Variants in SOAT1 observed in about 807,000 individuals in gnomAD.
The protein encoded by SOAT1 is sterol O-acyltransferase 1, also known as acyl-coenzyme A:cholesterol acyltransferase 1.
Under a neutral mutation model 69.5 loss-of-function variants are expected in SOAT1, and 55 were observed. That is an observed-to-expected ratio of 0.79 (90% CI 0.64 to 0.99). SOAT1 has a LOEUF of 0.99. Ranked by LOEUF, SOAT1 falls within the 50% of genes least tolerant of loss-of-function variation. The probability of loss-of-function intolerance (pLI) is 0.00; values close to 1 mark genes in which losing one functional copy is unlikely to be tolerated. For synonymous variants in SOAT1, 231 were observed against 224.7 expected (o/e 1.03, Z -0.25); for missense variants, 580 against 669.3 (o/e 0.87, Z 1.47).
Position 179,335,595 on chromosome 1 carries a change from T to C in SOAT1, c.267T>C (p.Asn89=), listed in dbSNP as rs766090549. Residue 89 remains asparagine, a synonymous_variant, in exon 4 of 16, where the codon AAT becomes AAC. Coordinates refer to ENST00000367619, the MANE Select transcript of SOAT1 (RefSeq NM_003101.6). ...TTGAAAAGTCAGCATCATTAGATAA[T>C]GGTGGGTGCGCTCTCACAACCTTTT... The part of the protein sequence containing the change: ...NLIEKSASLD[N]GGCALTTFSV... The C allele has an allele frequency of 1.9e-6, 3 of 1,614,024 alleles. No homozygotes were observed. The highest frequency in any genetic ancestry group is 3.3e-5 in the Admixed American group (2 of 60,020).
rs569629731 is a variant in SOAT1 at position 179,335,433 on chromosome 1, C to G, written c.178-73C>G. The G allele has an allele frequency of 4.6e-6, 6 of 1,302,862 alleles. No homozygotes were observed. The African/African-American group carries it at 8.9e-5, about 19-fold the overall frequency. The allele number at this position is 1,302,862 out of a possible 1,614,324, so 80.7% of individuals were successfully genotyped here. A position where few individuals can be genotyped will look rare whatever the true frequency, so the allele number is the denominator to read the frequency against. ...TTTGATCCAGCTCTGTTTAAGGGAG[C>G]CCTTTAGAGAAATGCTAATGACTCA... On this transcript the variant is annotated intron_variant, in intron 3 of 15. Transcript: ENST00000367619.
Position 179,350,442 on chromosome 1 carries a change from T to C in SOAT1, c.1450+11T>C. 2 of 1,612,892 alleles carry C rather than the reference T, an allele frequency of 1.2e-6. No individual in the cohort carries two copies. The highest frequency in any genetic ancestry group is 8.5e-7 in the Non-Finnish European group (1 of 1,179,648). The stretch of plus-strand genomic sequence containing the variant: ...TCATGTTCTTTGGAAGTAAGTATCT[T>C]GGTATGCTGTGAGTACTGGGTACTA... On this transcript the variant is annotated intron_variant, in intron 14 of 15. Transcript: ENST00000367619.
At chr1:179,317,127 A>G (rs1665421679) in intron 2 of SOAT1, among the ~76,000 whole-genome samples, 1 of 152,204 alleles carries the variant, frequency 6.6e-6, no homozygotes, top group African/African-American at 2.4e-5. Flanking sequence ...TGGCAAAGTA[A>G]ATATTTCTGT....
chr1:179,310,191 C>T (rs541034341), intron 2 of SOAT1, among the ~76,000 whole-genome samples: 3 of 144,826 alleles, frequency 2.1e-5, no homozygotes, highest in Non-Finnish European at 3.0e-5. Flanking sequence ...TGAGCCACCA[C>T]GCCTGGCTGC....
chr1:179,306,126 G>T (rs1296435908), intron 2 of SOAT1, among the ~76,000 whole-genome samples: 6 of 152,174 alleles, frequency 3.9e-5, no homozygotes, highest in Non-Finnish European at 8.8e-5. Flanking sequence ...TAGAGAGGGT[G>T]ACGGGTAGGT....
chr1:179,342,826 AG>A, intron 8 of SOAT1, 35 bp from the exon 9 acceptor site: 1 of 1,502,356 alleles, frequency 6.7e-7, no homozygotes, highest in Non-Finnish European at 9.3e-7. Flanking sequence ...GAAAAATCAA[AG>A]AGCCTTTGCT....
intron 11 of SOAT1, among the ~76,000 whole-genome samples, chr1:179,347,262 G>A (rs1666564482): frequency 6.6e-6 from 1 of 150,776 alleles, no homozygotes; most frequent in South Asian, 2.1e-4. Flanking sequence ...GGAGGCTGAG[G>A]CAGGAGAATT....
At position 179,354,977 on chromosome 1, in the gene SOAT1, T is replaced by A. The variant is rs1302320705; in HGVS notation, c.*1336T>A. The A allele has an allele frequency of 6.6e-6, 1 of 152,208 alleles. No individual in the cohort carries two copies. Among genetic ancestry groups the A allele is most frequent in the Non-Finnish European group, 1.5e-5 (1 of 68,030 alleles). 9.4% of individuals were successfully genotyped at this position (152,208 alleles called of 1,614,324 possible). A position where few individuals can be genotyped will look rare whatever the true frequency, so the allele number is the denominator to read the frequency against. ...CTCTTGGTATTGTTTGGAATTGTTT[T>A]AAAGTCAGTTTGAGTCTCACAAGAA... On this transcript the variant is annotated 3_prime_UTR_variant, in exon 16 of 16. Transcript: ENST00000367619.
chr1:179,341,965 CTA>C (rs1666353625), intron 7 of SOAT1, 147 bp from the exon 8 acceptor site: 2 of 903,106 alleles, frequency 2.2e-6, no homozygotes, highest in East Asian at 6.3e-5. Flanking sequence ...TGTCATGTAA[CTA>C]TATAATAAAG....
rs79870021 is a variant in SOAT1 at position 179,327,381 on chromosome 1, A to G, written c.177+3886A>G. 6.9e-3 allele frequency among the ~76,000 whole-genome samples: 1,052 copies of G among 152,224 alleles called. 18 individuals are homozygous for G. Among genetic ancestry groups the G allele is most frequent in the African/African-American group, 0.024 (1,006 of 41,554 alleles). On this transcript the variant is annotated intron_variant, in intron 3 of 15. Transcript: ENST00000367619. ...TTGATCTTTAAAGTGAGAGCATTGC[A>G]CTAGTTGTCTCCAAGGTCCCTTTTA...
chr1:179,337,152 C>T (rs552931715), intron 4 of SOAT1, among the ~76,000 whole-genome samples: 1 of 152,310 alleles, frequency 6.6e-6, no homozygotes, highest in South Asian at 2.1e-4. Context: ...CTTGCCATTC[C>T]ATGCTCTTCT....
At chr1:179,339,624 A>T in intron 6 of SOAT1, 79 bp downstream of exon 6, 5 of 783,532 alleles carry the variant, frequency 6.4e-6, no homozygotes, top group Non-Finnish European at 8.1e-6. Context: ...TAAAGGGTAA[A>T]TTGATTAAAT....
intron 11 of SOAT1, among the ~76,000 whole-genome samples, chr1:179,347,021 C>A (rs953375653): frequency 1.3e-5 from 2 of 152,064 alleles, no homozygotes; most frequent in Non-Finnish European, 1.5e-5. Flanking sequence ...TTTTAAAGGA[C>A]CTTGGGTACT....
Position 179,357,205 on chromosome 1 carries a change from TTTTG to T in SOAT1, c.*3580_*3583del, listed in dbSNP as rs990535268. 2.8e-4 allele frequency: 44 copies of T among 159,974 alleles called. No individual in the cohort carries two copies. The highest frequency in any genetic ancestry group is 7.8e-4 in the Admixed American group (12 of 15,454). The allele number at this position is 159,974 out of a possible 1,614,324, so 9.9% of individuals were successfully genotyped here. A position where few individuals can be genotyped will look rare whatever the true frequency, so the allele number is the denominator to read the frequency against. On this transcript the variant is annotated 3_prime_UTR_variant, in exon 16 of 16. Transcript: ENST00000367619. The stretch of plus-strand genomic sequence containing the variant: ...AATGTTTCAAGGAATAAAGTGAATG[TTTTG>T]TTTGTTTGTTTGTTTTGAGACGGAG...
intron 2 of SOAT1, among the ~76,000 whole-genome samples, chr1:179,308,322 G>C (rs1665089819): frequency 6.6e-6 from 1 of 152,082 alleles, no homozygotes; most frequent in African/African-American, 2.4e-5. Context: ...CTACACAGTT[G>C]ATACAGATGT....
At chr1:179,324,798 A>AGTTT (rs138281309) in intron 3 of SOAT1, among the ~76,000 whole-genome samples, 35,699 of 151,484 alleles carry the variant, frequency 0.24, 5,048 homozygotes, top group East Asian at 0.38. Flanking sequence ...GACACATGCT[A>AGTTT]GTTTGTTTGT....
chr1:179,330,436 A>G (rs910466702), intron 3 of SOAT1, among the ~76,000 whole-genome samples: 3 of 152,228 alleles, frequency 2.0e-5, no homozygotes, highest in Non-Finnish European at 4.4e-5. Flanking sequence ...CTTTGGGTAC[A>G]GTAAACTATT....
intron 1 of SOAT1, among the ~76,000 whole-genome samples, chr1:179,300,671 A>G (rs1006777235): frequency 6.6e-6 from 1 of 152,182 alleles, no homozygotes; most frequent in Admixed American, 6.5e-5. Context: ...ATTAAGAAAA[A>G]CTGTAGTCTC....
intron 9 of SOAT1, among the ~76,000 whole-genome samples, 184 bp from the exon 10 acceptor site, chr1:179,343,406 T>A (rs919459234): frequency 6.6e-6 from 1 of 151,884 alleles, no homozygotes; most frequent in Admixed American, 6.6e-5. Flanking sequence ...TTTGTATTTT[T>A]ATTAGAGACG....
Sources: allele counts gnomAD v4.1 joint callset (sites outside exome capture counted in the v4.1 genomes callset), GRCh38; gene constraint gnomAD v4.1.1; transcripts MANE v1.5; gene names NCBI Gene and HGNC (gene_info 2026-07-23, HGNC 2026-07-21).